The following KALRN variants were observed in gnomAD, a reference collection of about 807,000 sequenced individuals.
KALRN encodes kalirin.
Under a neutral mutation model 353.7 loss-of-function variants are expected in KALRN, and 70 were observed. That is an observed-to-expected ratio of 0.20 (90% CI 0.16 to 0.24). The LOEUF is 0.24. KALRN is among the 10% of genes least tolerant of loss of function. The probability of loss-of-function intolerance (pLI) is 1.00; values close to 1 mark genes in which losing one functional copy is unlikely to be tolerated. For missense variants in KALRN, 2,791 were observed against 3,756.7 expected (o/e 0.74, Z 6.72); for synonymous variants, 1,391 against 1,434.8 (o/e 0.97, Z 0.69).
At chr3:124,582,760 A>AT (rs569492505) in intron 34 of KALRN, among the ~76,000 whole-genome samples, 27 of 135,750 alleles carry the variant, frequency 2.0e-4, no homozygotes, top group African/African-American at 3.4e-4. Context: ...GCCTTGGCAC[A>AT]TTTTTTTTGG....
rs66520052 is a variant in KALRN at position 124,651,637 on chromosome 3, CTTTT to C, written c.5795+714_5795+717del. On this transcript the variant is annotated intron_variant, in intron 38 of 59. Coordinates refer to ENST00000682506, the MANE Select transcript of KALRN (RefSeq NM_001388419.1). ...CTTTCATTTTCTTTTTCTTTTCTAT[CTTTT>C]TTTTTTTTTTTTTTGAGACAGGGTC... is the stretch of plus-strand genomic sequence containing the variant. 2.9e-3 allele frequency among the ~76,000 whole-genome samples: 375 copies of C among 130,450 alleles called. 3 individuals are homozygous for C. Among genetic ancestry groups the C allele is most frequent in the African/African-American group, 8.2e-3 (280 of 34,348 alleles). 85.6% of individuals were successfully genotyped at this position (130,450 alleles called of 152,430 possible).
intron 33 of KALRN, among the ~76,000 whole-genome samples, chr3:124,555,132 G>C (rs556180743): frequency 6.6e-5 from 10 of 152,210 alleles, no homozygotes; most frequent in African/African-American, 2.4e-4. Context: ...ACTCCCTGGG[G>C]CTGTCTGAGG....
chr3:124,250,915 A>G (rs905100865), intron 3 of KALRN, among the ~76,000 whole-genome samples: 4 of 152,096 alleles, frequency 2.6e-5, no homozygotes, highest in African/African-American at 9.7e-5. Flanking sequence ...CCTGAAATGG[A>G]TGTCAGTTTC....
chr3:124,676,300 T>G (rs1281889386), intron 49 of KALRN, among the ~76,000 whole-genome samples: 1 of 152,012 alleles, frequency 6.6e-6, no homozygotes, highest in South Asian at 2.1e-4. Flanking sequence ...GGGTTGGGGG[T>G]GTGTGTGGAG....
intron 13 of KALRN, among the ~76,000 whole-genome samples, chr3:124,407,097 T>C (rs2091640256): frequency 6.6e-6 from 1 of 152,108 alleles, no homozygotes; most frequent in Non-Finnish European, 1.5e-5. Flanking sequence ...GTGTTGGGAT[T>C]ACAGGCGTGA....
intron 1 of KALRN, among the ~76,000 whole-genome samples, chr3:124,046,525 G>A (rs1577529085): frequency 6.6e-6 from 1 of 152,252 alleles, no homozygotes; most frequent in African/African-American, 2.4e-5. Flanking sequence ...TGGAGAGTGA[G>A]TGGGAATTGC....
chr3:124,459,510 A>C (rs549477675), intron 23 of KALRN, among the ~76,000 whole-genome samples: 22 of 152,332 alleles, frequency 1.4e-4, no homozygotes, highest in African/African-American at 5.3e-4. Flanking sequence ...TCCTGACTCC[A>C]GGTAGGCAAA....
At chr3:124,371,898 T>A (rs1276016082) in intron 10 of KALRN, among the ~76,000 whole-genome samples, 1 of 152,210 alleles carries the variant, frequency 6.6e-6, no homozygotes, top group African/African-American at 2.4e-5. Flanking sequence ...TCATTCTTTC[T>A]ATTTTTTGTA....
chr3:124,540,034 C>T (rs1050856957), intron 33 of KALRN, among the ~76,000 whole-genome samples: 5 of 152,014 alleles, frequency 3.3e-5, no homozygotes, highest in Admixed American at 6.5e-5. Context: ...CTCAGCCTCC[C>T]GATTAGCTGG....
At chr3:124,354,123 C>A (rs141168640) in intron 10 of KALRN, among the ~76,000 whole-genome samples, 20 of 152,334 alleles carry the variant, frequency 1.3e-4, no homozygotes, top group African/African-American at 4.6e-4. Context: ...TACCATGAAC[C>A]TTTTATTAAC....
chr3:124,607,925 T>TA (rs2077517913), intron 34 of KALRN, among the ~76,000 whole-genome samples: 1 of 152,308 alleles, frequency 6.6e-6, no homozygotes, highest in South Asian at 2.1e-4. Flanking sequence ...GTTTTTATAA[T>TA]TAACATTGTA....
At chr3:124,391,204 T>G (rs2089321361) in intron 11 of KALRN, among the ~76,000 whole-genome samples, 1 of 152,026 alleles carries the variant, frequency 6.6e-6, no homozygotes, top group Non-Finnish European at 1.5e-5. Context: ...TATACATATA[T>G]TTTGATCAAG....
chr3:124,692,464 T>C (rs1366060083), intron 51 of KALRN, among the ~76,000 whole-genome samples: 2 of 152,250 alleles, frequency 1.3e-5, no homozygotes, highest in Non-Finnish European at 2.9e-5. Context: ...AAACCATGCA[T>C]GTTCACAAAG....
chr3:124,150,322 G>T (rs2067920636), intron 1 of KALRN, among the ~76,000 whole-genome samples: 1 of 151,968 alleles, frequency 6.6e-6, no homozygotes, highest in Non-Finnish European at 1.5e-5. Context: ...TTTGAAAGTG[G>T]GACATAGATA....
chr3:124,356,428 G>A (rs1427120943), intron 10 of KALRN, among the ~76,000 whole-genome samples: 2 of 150,288 alleles, frequency 1.3e-5, no homozygotes, highest in East Asian at 3.9e-4. Context: ...CTGCCTCCCG[G>A]GTTCAAGTGA....
chr3:124,182,604 A>G (rs1374872100), intron 1 of KALRN, among the ~76,000 whole-genome samples: 1 of 152,228 alleles, frequency 6.6e-6, no homozygotes, highest in Non-Finnish European at 1.5e-5. Context: ...TATACTGATT[A>G]AGAAGCAAGC....
intron 1 of KALRN, among the ~76,000 whole-genome samples, chr3:124,209,428 G>A (rs1473320924): frequency 7.1e-6 from 1 of 141,628 alleles, no homozygotes; most frequent in African/African-American, 2.6e-5. Context: ...CATGAGAATT[G>A]CTTGAAGCCG....
chr3:124,079,215 A>T, intron 1 of KALRN, among the ~76,000 whole-genome samples: 1 of 152,154 alleles, frequency 6.6e-6, no homozygotes, highest in East Asian at 1.9e-4. Flanking sequence ...TCAAGGACAG[A>T]CGTGGGGATG....
chr3:124,477,354 C>T lies in KALRN; in HGVS notation c.4191+20C>T. 1.3e-6 allele frequency: 2 copies of T among 1,558,250 alleles called. No individual in the cohort carries two copies. The highest frequency in any genetic ancestry group is 1.8e-6 in the Non-Finnish European group (2 of 1,129,546). The stretch of plus-strand genomic sequence containing the variant: ...TTTGATGTAAGCTGTGTTTTCCATT[C>T]TTGAGCAGCTGATGAGCAGGTGGAA... On this transcript the variant is annotated intron_variant, in intron 27 of 59. Transcript: ENST00000682506.
Sources: gnomAD v4.1 joint callset for allele counts (sites outside exome capture counted in the v4.1 genomes callset) on GRCh38, gnomAD v4.1.1 for gene constraint, MANE v1.5 for transcripts, NCBI Gene and HGNC (gene_info 2026-07-23, HGNC 2026-07-21) for gene names.